NTM: variants seen among roughly 807,000 people sequenced by gnomAD.
NTM encodes neurotrimin.
In NTM, 13 loss-of-function variants were observed where a neutral mutation model predicts 42.1. The ratio of observed to expected loss-of-function variants is 0.31; its 90% confidence interval spans 0.20 to 0.49. The LOEUF (loss-of-function observed/expected upper bound fraction) is 0.49, where lower values mean the gene tolerates loss of function less well. Among genes scored for constraint, NTM ranks in the 20% least tolerant of loss-of-function variants. The pLI is 0.99. For synonymous variants in NTM, 187 were observed against 179.2 expected (o/e 1.04, Z -0.35); for missense variants, 373 against 452.8 (o/e 0.82, Z 1.60).
Position 132,299,286 on chromosome 11 carries a change from C to CTCTG in NTM, c.527-8399_527-8396dup, listed in dbSNP as rs796609044. Among the ~76,000 whole-genome samples the CTCTG allele has an allele frequency of 3.7e-4, 56 of 152,216 alleles. 1 individual carries two copies. The highest frequency in any genetic ancestry group is 1.1e-3 in the African/African-American group (46 of 41,528). On this transcript the variant is annotated intron_variant, in intron 4 of 8. Coordinates refer to ENST00000683400, the MANE Select transcript of NTM (RefSeq NM_001352005.2). ...CTCCAGCCTGGGTGACAGAGCGAGACTCTGTCTCAAAAAAACAAAACAAAA... is the reference window on the plus strand; with the variant it reads ...CTCCAGCCTGGGTGACAGAGCGAGACTCTGTCTGTCTCAAAAAAACAAAACAAAA...
chr11:131,655,428 G>T (rs1319704151), intron 1 of NTM, among the ~76,000 whole-genome samples: 3 of 152,070 alleles, frequency 2.0e-5, no homozygotes, highest in African/African-American at 7.2e-5. Context: ...TTCCTTTTTG[G>T]CAACACCTCA....
chr11:131,536,813 G>T (rs373665), intron 1 of NTM: 106,812 of 152,122 alleles, frequency 0.7, 39,532 homozygotes, highest in Non-Finnish European at 0.83. Flanking sequence ...CAGAGACTGT[G>T]TCATGGAGGG....
chr11:131,394,587 T>C (rs956286924), intron 1 of NTM, among the ~76,000 whole-genome samples: 1 of 152,182 alleles, frequency 6.6e-6, no homozygotes, highest in Non-Finnish European at 1.5e-5. Flanking sequence ...AGCCCCAGAA[T>C]GCAGCAGCTC....
chr11:132,210,953 G>T lies in NTM; in HGVS notation c.401-1069G>T, dbSNP rs59823524. On this transcript the variant is annotated intron_variant, in intron 3 of 8. Transcript: ENST00000683400. The stretch of plus-strand genomic sequence containing the variant: ...GAGTCATTTAGTGGAGAAAGAAGGT[G>T]GGGGAGAGAGAGAGAGAGATGTTAT... 2.6e-3 allele frequency among the ~76,000 whole-genome samples: 397 copies of T among 152,116 alleles called. 1 individual carries two copies. Among genetic ancestry groups the T allele is most frequent in the African/African-American group, 8.8e-3 (365 of 41,532 alleles).
Position 131,462,689 on chromosome 11 carries a change from C to A in NTM, c.82+91801C>A, listed in dbSNP as rs535085677. 2.6e-5 allele frequency among the ~76,000 whole-genome samples: 4 copies of A among 152,304 alleles called. No homozygotes were observed. The South Asian group carries it at 6.2e-4, about 24-fold the overall frequency. ...TTCATCCTGCATGGATCCTGGCAAA[C>A]TCCAACATGTCCTGCCCTCTTCCTA... On this transcript the variant is annotated intron_variant, in intron 1 of 8. Coordinates refer to ENST00000683400, the MANE Select transcript of NTM (RefSeq NM_001352005.2).
chr11:131,863,904 T>C (rs374869010), intron 1 of NTM, among the ~76,000 whole-genome samples: 2 of 152,358 alleles, frequency 1.3e-5, no homozygotes, highest in East Asian at 3.9e-4. Context: ...CTAGTTTTGA[T>C]GACATACTAT....
intron 1 of NTM, among the ~76,000 whole-genome samples, chr11:131,447,539 C>A (rs553275258): frequency 7.9e-5 from 12 of 152,208 alleles, no homozygotes; most frequent in Non-Finnish European, 1.3e-4. Flanking sequence ...GCTCTAGCAC[C>A]GGCAGCTCTC....
chr11:131,770,482 C>T lies in NTM; in HGVS notation c.83-141082C>T, dbSNP rs181048093. 3.3e-5 allele frequency among the ~76,000 whole-genome samples: 5 copies of T among 152,308 alleles called. No individual in the cohort carries two copies. In the East Asian group the frequency reaches 9.6e-4, roughly 29 times the overall value. ...AGAGCAGTCACTTCAGCTATCCTGC[C>T]TGAGTTCTTAGGCAAGTCTGAGAGG... On this transcript the variant is annotated intron_variant, in intron 1 of 8. Transcript: ENST00000683400.
At chr11:131,485,728 C>G (rs374866637) in intron 1 of NTM, among the ~76,000 whole-genome samples, 1 of 152,166 alleles carries the variant, frequency 6.6e-6, no homozygotes, top group African/African-American at 2.4e-5. Flanking sequence ...CCAACCATCC[C>G]GAATGGGAAA....
At chr11:132,117,407 A>G (rs1299021105) in intron 2 of NTM, among the ~76,000 whole-genome samples, 1 of 152,202 alleles carries the variant, frequency 6.6e-6, no homozygotes, top group Non-Finnish European at 1.5e-5. Flanking sequence ...CTTCCTGGCC[A>G]TGTGATGGAC....
At chr11:132,177,561 A>G (rs1277215920) in intron 3 of NTM, among the ~76,000 whole-genome samples, 1 of 152,244 alleles carries the variant, frequency 6.6e-6, no homozygotes, top group Non-Finnish European at 1.5e-5. Context: ...AACAAATCAG[A>G]TGAAATACAT....
Position 132,163,867 on chromosome 11 carries a change from C to T in NTM, c.400+17353C>T, listed in dbSNP as rs140269791. Among the ~76,000 whole-genome samples, 922 of 152,226 alleles carry T rather than the reference C, an allele frequency of 6.1e-3. 9 individuals are homozygous for T. Among genetic ancestry groups the T allele is most frequent in the African/African-American group, 0.02 (814 of 41,566 alleles). On this transcript the variant is annotated intron_variant, in intron 3 of 8. Transcript: ENST00000683400. ...TCCTCAGAAATTCTGACTCAGTTTA[C>T]TGGGGGTAAGCCCATGGTGTCTTTG...
intron 1 of NTM, among the ~76,000 whole-genome samples, chr11:131,894,494 C>T (rs984396004): frequency 6.6e-6 from 1 of 152,160 alleles, no homozygotes; most frequent in East Asian, 1.9e-4. Context: ...CTGCTTGGGG[C>T]CTGACAGACA....
Position 132,023,207 on chromosome 11 carries a change from T to G in NTM, c.167+111559T>G, listed in dbSNP as rs552125795. 6.6e-5 allele frequency among the ~76,000 whole-genome samples: 10 copies of G among 152,276 alleles called. No homozygotes were observed. In the South Asian group the frequency reaches 2.1e-3, roughly 32 times the overall value. ...ATATCTCATGGGGGACTGTGGGACA[T>G]TATCTCCATTGTTACTGGGCACATG... On this transcript the variant is annotated intron_variant, in intron 2 of 8. Transcript: ENST00000683400.
At chr11:131,914,623 A>G (rs35920710) in intron 2 of NTM, among the ~76,000 whole-genome samples, 22,762 of 152,196 alleles carry the variant, frequency 0.15, 1,868 homozygotes, top group South Asian at 0.29. Flanking sequence ...ATCTTATCCA[A>G]GTAGCTCTAA....
chr11:131,454,771 C>G lies in NTM; in HGVS notation c.82+83883C>G, dbSNP rs1950746019. Among the ~76,000 whole-genome samples, 2 of 144,796 alleles carry G rather than the reference C, an allele frequency of 1.4e-5. 1 individual carries two copies. The highest frequency in any genetic ancestry group is 3.2e-5 in the Non-Finnish European group (2 of 63,458). 95.0% of individuals were successfully genotyped at this position (144,796 alleles called of 152,430 possible). A position where few individuals can be genotyped will look rare whatever the true frequency, so the allele number is the denominator to read the frequency against. On this transcript the variant is annotated intron_variant, in intron 1 of 8. Coordinates refer to ENST00000683400, the MANE Select transcript of NTM (RefSeq NM_001352005.2). ...AATGACAGCTGCATTACATCCTGATCTGTGGACATCCTCCACACCCTGATT... is the reference window on the plus strand; with the variant it reads ...AATGACAGCTGCATTACATCCTGATGTGTGGACATCCTCCACACCCTGATT...
chr11:131,909,260 T>C (rs2054324666), intron 1 of NTM, among the ~76,000 whole-genome samples: 1 of 152,178 alleles, frequency 6.6e-6, no homozygotes, highest in Non-Finnish European at 1.5e-5. Context: ...ATAGTTAGTG[T>C]GAGGGAGATT....
intron 1 of NTM, among the ~76,000 whole-genome samples, chr11:131,723,810 C>T (rs2078641827): frequency 6.6e-6 from 1 of 151,706 alleles, no homozygotes; most frequent in Admixed American, 6.6e-5. Context: ...CTGTGTGTAT[C>T]TGTTTGTGTG....
At chr11:132,186,015 G>T (rs1055720442) in intron 3 of NTM, among the ~76,000 whole-genome samples, 28 of 152,228 alleles carry the variant, frequency 1.8e-4, no homozygotes, top group African/African-American at 6.8e-4. Context: ...GGGATTACGG[G>T]AAGAATGAAG....
Sources: allele counts gnomAD v4.1 joint callset (sites outside exome capture counted in the v4.1 genomes callset), GRCh38; gene constraint gnomAD v4.1.1; transcripts MANE v1.5; gene names NCBI Gene and HGNC (gene_info 2026-07-23, HGNC 2026-07-21).